Variants in CACNA1C observed in about 807,000 individuals in gnomAD.
CACNA1C encodes calcium voltage-gated channel subunit alpha1 C.
Under a neutral mutation model 229.0 loss-of-function variants are expected in CACNA1C, and 30 were observed. That is an observed-to-expected ratio of 0.13 (90% CI 0.10 to 0.18). The LOEUF (loss-of-function observed/expected upper bound fraction) is 0.18. CACNA1C is among the 10% of genes least tolerant of loss of function. CACNA1C has a pLI of 1.00. For synonymous variants in CACNA1C, 1,114 were observed against 1,132.5 expected, an observed-to-expected ratio of 0.98 and a Z score of 0.33; for missense variants, 1,658 against 2,845.0, an observed-to-expected ratio of 0.58 and a Z score of 9.49.
At chr12:2,424,618 C>T (rs911155898) in intron 3 of CACNA1C, among the ~76,000 whole-genome samples, 1 of 152,116 alleles carries the variant, frequency 6.6e-6, no homozygotes, top group Admixed American at 6.5e-5. Context: ...TTGGGCTATG[C>T]TGAGAGTGGG....
At chr12:2,283,968 G>C (rs2092115165) in intron 3 of CACNA1C, among the ~76,000 whole-genome samples, 2 of 152,210 alleles carry the variant, frequency 1.3e-5, no homozygotes, top group Admixed American at 1.3e-4. Context: ...GGAGCTGGAT[G>C]CTCAGAGATC....
chr12:2,426,081 CAG>C (rs1338313192), intron 3 of CACNA1C, among the ~76,000 whole-genome samples: 1 of 152,122 alleles, frequency 6.6e-6, no homozygotes, highest in African/African-American at 2.4e-5. Context: ...GGATACAGCT[CAG>C]AGCTGGGGGC....
At chr12:2,253,128 C>CT (rs2076214300) in intron 3 of CACNA1C, among the ~76,000 whole-genome samples, 1 of 152,230 alleles carries the variant, frequency 6.6e-6, no homozygotes, top group Non-Finnish European at 1.5e-5. Flanking sequence ...CTGGGACTCT[C>CT]TTTTGAATCC....
chr12:2,491,369 G>A (rs1416714649), intron 6 of CACNA1C, among the ~76,000 whole-genome samples: 1 of 152,038 alleles, frequency 6.6e-6, no homozygotes, highest in Non-Finnish European at 1.5e-5. Context: ...AAATTCTGAG[G>A]CATGTAAATT....
chr12:2,014,030 G>T lies in CACNA1C; in HGVS notation c.139+42829G>T, dbSNP rs7966984. Among the ~76,000 whole-genome samples, 737 of 152,200 alleles carry T rather than the reference G, an allele frequency of 4.8e-3. 6 individuals are homozygous for T. The highest frequency in any genetic ancestry group is 0.017 in the African/African-American group (699 of 41,536). On this transcript the variant is annotated intron_variant, in intron 1 of 46. Transcript: ENST00000682462. ...AGGGTGTTTTCCACATTTCCTGTTG[G>T]TAATAAATAGCCCTCTCCCAGTGCT...
intron 13 of CACNA1C, among the ~76,000 whole-genome samples, chr12:2,572,320 CT>C (rs2055125627): frequency 8.5e-5 from 11 of 129,748 alleles, no homozygotes; most frequent in East Asian, 2.4e-4. Context: ...TCCTCCTCCT[CT>C]TCCTCCTCCT....
rs576775221 is a variant in CACNA1C, at chr12:2,359,993, C to T, written c.478-88983C>T. On this transcript the variant is annotated intron_variant, in intron 3 of 46. Transcript: ENST00000399655. ...GTAAGTCATCCAGTGCACAGCTTCC[C>T]GATCGCTTGTCCTCAGATAGTAGCG... Among the ~76,000 whole-genome samples, 19 of 152,214 alleles carry T rather than the reference C, an allele frequency of 1.2e-4. 1 individual carries two copies. In the East Asian group the frequency reaches 2.3e-3, roughly 19 times the overall value.
At position 2,665,370 on chromosome 12, in the gene CACNA1C, A is replaced by G. The variant is rs1257794145; in HGVS notation, c.4399-211A>G. Among the ~76,000 whole-genome samples the G allele has an allele frequency of 2.0e-5, 3 of 152,208 alleles. No individual in the cohort carries two copies. The highest frequency in any genetic ancestry group is 3.2e-3 in the Middle Eastern group (1 of 316). ...CAGCTCGGTAGGAGGGAAGCTGTCC[A>G]GCCCACCTGTGGGTTCATCACACAC... On this transcript the variant is annotated intron_variant, in intron 35 of 46. Transcript: ENST00000399655. This position sits in a 1 kb window ranked among gnomAD's most constrained non-coding sequence, Gnocchi z 5.9.
rs199532530 is a variant in CACNA1C, at chr12:2,054,667, T to G, written c.49+1056T>G. Among the ~76,000 whole-genome samples, 1 of 123,230 alleles carries G rather than the reference T, an allele frequency of 8.1e-6. No homozygotes were observed. Among genetic ancestry groups the G allele is most frequent in the Non-Finnish European group, 1.6e-5 (1 of 62,156 alleles). 80.8% of individuals were successfully genotyped at this position (123,230 alleles called of 152,430 possible). ...TGCAGACAGGGTGGTCCAGCGGGGC[T>G]TTCTGGCAACCTCCAGGCATGACAT... On this transcript the variant is annotated intron_variant, in intron 1 of 46. Coordinates refer to ENST00000399655, the MANE Select transcript of CACNA1C (RefSeq NM_000719.7). The surrounding 1 kb of genome is among the most constrained non-coding windows in gnomAD (Gnocchi z 5.5).
At chr12:2,535,891 T>C (rs2099853834) in intron 9 of CACNA1C, among the ~76,000 whole-genome samples, 1 of 152,196 alleles carries the variant, frequency 6.6e-6, no homozygotes, top group Non-Finnish European at 1.5e-5. Flanking sequence ...AGCTGATCGA[T>C]ATTCTGACAG....
intron 3 of CACNA1C, among the ~76,000 whole-genome samples, chr12:2,255,380 C>T (rs1203578953): frequency 6.6e-6 from 1 of 152,062 alleles, no homozygotes. Context: ...CGGGGTGTGA[C>T]AGGCAGGCCC....
intron 3 of CACNA1C, among the ~76,000 whole-genome samples, chr12:2,199,899 A>T (rs1184694679): frequency 6.6e-6 from 1 of 151,944 alleles, no homozygotes. Context: ...TACCAATAAT[A>T]AAAAAAAGTG....
intron 3 of CACNA1C, among the ~76,000 whole-genome samples, chr12:2,331,990 G>A (rs2096563138): frequency 6.6e-6 from 1 of 152,168 alleles, no homozygotes; most frequent in Admixed American, 6.5e-5. Context: ...TGGTATAAAG[G>A]GCATGGGGTG....
chr12:2,194,101 C>T (rs903405195), intron 3 of CACNA1C, among the ~76,000 whole-genome samples: 2 of 152,068 alleles, frequency 1.3e-5, no homozygotes, highest in Admixed American at 6.6e-5. Context: ...GATTACCTGC[C>T]CCGTCCTCCT....
In CACNA1C at chr12:2,338,582, T is replaced by G. The variant is rs575476545; in HGVS notation, c.478-110394T>G. ...CGGTGGCTCATCTCAGCTGTTCTTT[T>G]GGCAGATGCCATTCTTTTGCTCCCC... On this transcript the variant is annotated intron_variant, in intron 3 of 46. Transcript: ENST00000399655. Among the ~76,000 whole-genome samples, 11 of 152,126 alleles carry G rather than the reference T, an allele frequency of 7.2e-5. No homozygotes were observed. In the South Asian group the frequency reaches 2.3e-3, roughly 32 times the overall value.
At chr12:2,628,231 C>T (rs779392601) in intron 29 of CACNA1C, among the ~76,000 whole-genome samples, 11 of 152,184 alleles carry the variant, frequency 7.2e-5, no homozygotes, top group Admixed American at 2.0e-4. Flanking sequence ...GCAGTCCCCT[C>T]GCAGCTCTCC....
chr12:2,476,818 A>G (rs2099631857), intron 5 of CACNA1C, among the ~76,000 whole-genome samples: 1 of 152,226 alleles, frequency 6.6e-6, no homozygotes, highest in African/African-American at 2.4e-5. Flanking sequence ...TGGAAAGGCT[A>G]AATTAAAAAT....
intron 3 of CACNA1C, among the ~76,000 whole-genome samples, chr12:2,413,379 C>G (rs939824671): frequency 1.3e-5 from 2 of 152,170 alleles, no homozygotes; most frequent in African/African-American, 4.8e-5. Flanking sequence ...GCGTGAATGA[C>G]TCTACCATCT....
intron 3 of CACNA1C, among the ~76,000 whole-genome samples, chr12:2,337,655 TGTATAGCACTCTACA>T (rs528058031): frequency 0.011 from 1,706 of 152,336 alleles, 20 homozygotes; most frequent in South Asian, 0.049. Context: ...AGCTAACATT[TGTATAGCACTCTACA>T]GTTTAACAAA....
Sources: gnomAD v4.1 joint callset for allele counts (sites outside exome capture counted in the v4.1 genomes callset) on GRCh38, gnomAD v4.1.1 for gene constraint, Gnocchi (gnomAD v3.1) non-coding constraint, MANE v1.5 for transcripts, NCBI Gene and HGNC (gene_info 2026-07-23, HGNC 2026-07-21) for gene names.